The following EXOC4 variants were observed in gnomAD, a reference collection of about 807,000 sequenced individuals.
EXOC4 encodes the protein SEC8-like 1.
Under a neutral mutation model 107.2 loss-of-function variants are expected in EXOC4, and 71 were observed. The ratio of observed to expected loss-of-function variants is 0.66; its 90% CI spans 0.55 to 0.81. The LOEUF (loss-of-function observed/expected upper bound fraction) is 0.81, where lower values mean the gene tolerates loss of function less well. EXOC4 is among the 30% of genes least tolerant of loss of function. The pLI is 0.00. For missense variants in EXOC4, 1,108 were observed against 1,189.6 expected, an observed-to-expected ratio of 0.93 and a Z score of 1.01; for synonymous variants, 456 against 441.2, an observed-to-expected ratio of 1.03 and a Z score of -0.42.
chr7:133,494,168 C>T (rs1405982719), intron 9 of EXOC4, among the ~76,000 whole-genome samples: 3 of 152,068 alleles, frequency 2.0e-5, no homozygotes, highest in Non-Finnish European at 4.4e-5. Flanking sequence ...TTGGGTAATA[C>T]GTTGGTGAGG....
intron 17 of EXOC4, among the ~76,000 whole-genome samples, chr7:134,042,046 T>C (rs1056178273): frequency 2.0e-5 from 3 of 151,238 alleles, no homozygotes; most frequent in African/African-American, 7.3e-5. Flanking sequence ...TGTGGGGAAG[T>C]CTATCTAGTC....
chr7:133,552,799 A>C (rs906473468), intron 9 of EXOC4, among the ~76,000 whole-genome samples: 5 of 152,124 alleles, frequency 3.3e-5, no homozygotes, highest in Non-Finnish European at 7.4e-5. Flanking sequence ...GATAATAACA[A>C]ATCATATTTT....
At chr7:133,439,382 A>G (rs1482235407) in intron 7 of EXOC4, among the ~76,000 whole-genome samples, 1 of 151,710 alleles carries the variant, frequency 6.6e-6, no homozygotes, top group Admixed American at 6.6e-5. Flanking sequence ...ACGGGGTTTC[A>G]TCATGTTGGC....
At position 133,337,508 on chromosome 7, in the gene EXOC4, A is replaced by G. The variant is rs7786311; in HGVS notation, c.764-18822A>G. Among the ~76,000 whole-genome samples the G allele has an allele frequency of 9.9e-3, 1,506 of 152,102 alleles. 20 individuals are homozygous for G. Among genetic ancestry groups the G allele is most frequent in the African/African-American group, 0.035 (1,450 of 41,500 alleles). Reference sequence around the variant, plus strand: ...AATTAACATCTGTATTTCCTTAGGAAATTACTCATTTCATCTAATTTTTCA... The same window carrying G: ...AATTAACATCTGTATTTCCTTAGGAGATTACTCATTTCATCTAATTTTTCA... On this transcript the variant is annotated intron_variant, in intron 5 of 17. Transcript: ENST00000253861.
intron 5 of EXOC4, among the ~76,000 whole-genome samples, chr7:133,324,210 T>A (rs546694787): frequency 2.4e-4 from 37 of 152,362 alleles, no homozygotes; most frequent in African/African-American, 8.9e-4. Context: ...CTCTCTTTTC[T>A]TCAGTTCTGC....
chr7:133,568,566 G>A (rs764060411), intron 9 of EXOC4, among the ~76,000 whole-genome samples: 2 of 152,018 alleles, frequency 1.3e-5, no homozygotes, highest in Non-Finnish European at 2.9e-5. Flanking sequence ...TCTGCCTTGC[G>A]TTTGTTTTAT....
chr7:133,370,719 A>G (rs1239289687), intron 6 of EXOC4, among the ~76,000 whole-genome samples: 3 of 152,106 alleles, frequency 2.0e-5, no homozygotes, highest in Non-Finnish European at 4.4e-5. Context: ...CGCAAGATTT[A>G]TTTTCCTTTC....
At chr7:133,717,497 T>C (rs374885818) in intron 10 of EXOC4, among the ~76,000 whole-genome samples, 4 of 152,348 alleles carry the variant, frequency 2.6e-5, no homozygotes, top group African/African-American at 9.6e-5. Flanking sequence ...CCCATGGTTC[T>C]GCATAAATTT....
At chr7:133,646,485 A>G (rs1802995691) in intron 10 of EXOC4, among the ~76,000 whole-genome samples, 1 of 152,078 alleles carries the variant, frequency 6.6e-6, no homozygotes, top group East Asian at 1.9e-4. Context: ...AAGCTTTTTC[A>G]AATGGCCTTG....
At chr7:134,083,349 C>G in the EXOC4 span, among the ~76,000 whole-genome samples, 2 of 152,226 alleles carry the variant, frequency 1.3e-5, no homozygotes, top group African/African-American at 2.4e-5. Context: ...AAGGCAGACT[C>G]TCACAGAAGG....
At chr7:134,079,104 G>A in the EXOC4 span, among the ~76,000 whole-genome samples, 1 of 152,178 alleles carries the variant, frequency 6.6e-6, no homozygotes, top group African/African-American at 2.4e-5. Flanking sequence ...TGGAAGCAAT[G>A]TGACTCCTCC....
chr7:133,920,379 T>G (rs1370032198), intron 13 of EXOC4, among the ~76,000 whole-genome samples: 1 of 152,220 alleles, frequency 6.6e-6, no homozygotes, highest in Non-Finnish European at 1.5e-5. Flanking sequence ...TTTAATTAAG[T>G]CCAACATATT....
At chr7:133,806,674 G>A (rs1741099073) in intron 10 of EXOC4, among the ~76,000 whole-genome samples, 1 of 152,080 alleles carries the variant, frequency 6.6e-6, no homozygotes, top group Non-Finnish European at 1.5e-5. Context: ...CCTTTGAGAG[G>A]CTTTGATATT....
chr7:133,990,049 A>T (rs1325136745), intron 14 of EXOC4, among the ~76,000 whole-genome samples: 1 of 152,166 alleles, frequency 6.6e-6, no homozygotes, highest in Non-Finnish European at 1.5e-5. Flanking sequence ...TGATATTTTG[A>T]TAAATGTATA....
intron 9 of EXOC4, among the ~76,000 whole-genome samples, chr7:133,627,244 G>A (rs1461564328): frequency 2.0e-5 from 3 of 152,188 alleles, no homozygotes; most frequent in South Asian, 4.1e-4. Flanking sequence ...GAAATGGTAC[G>A]AGGGGAGAGG....
At chr7:133,515,581 A>C (rs905731829) in intron 9 of EXOC4, among the ~76,000 whole-genome samples, 2 of 151,926 alleles carry the variant, frequency 1.3e-5, no homozygotes, top group African/African-American at 4.8e-5. Context: ...TGATCCTCCC[A>C]CCTCAGCCTC....
At chr7:133,791,475 G>A (rs1052216216) in intron 10 of EXOC4, among the ~76,000 whole-genome samples, 1 of 152,208 alleles carries the variant, frequency 6.6e-6, no homozygotes, top group African/African-American at 2.4e-5. Context: ...TGGTTGGATG[G>A]TTGAACAAAT....
chr7:134,028,827 T>C (rs1795204200), intron 17 of EXOC4, among the ~76,000 whole-genome samples: 1 of 152,254 alleles, frequency 6.6e-6, no homozygotes. Context: ...AGATTTAGTG[T>C]TGGGGCCACT....
intron 11 of EXOC4, among the ~76,000 whole-genome samples, chr7:133,823,825 CATATATATATATATATATTAT>C (rs1797584225): frequency 2.1e-5 from 1 of 46,912 alleles, no homozygotes; most frequent in Non-Finnish European, 3.7e-5. Flanking sequence ...AAAATACATA[CATATATATATATATATATTAT>C]ATATATATAT....
Sources: allele counts gnomAD v4.1 joint callset (sites outside exome capture counted in the v4.1 genomes callset), GRCh38; gene constraint gnomAD v4.1.1; transcripts MANE v1.5; gene names NCBI Gene and HGNC (gene_info 2026-07-23, HGNC 2026-07-21).